The following ACBD6 variants were observed in gnomAD, a reference collection of about 807,000 sequenced individuals.
ACBD6 encodes the protein acyl-CoA binding domain containing 6.
Under a neutral mutation model 37.2 loss-of-function variants are expected in ACBD6, and 28 were observed. That is an observed-to-expected ratio of 0.75 (90% confidence interval 0.56 to 1.03). The LOEUF is 1.03. Ranked by LOEUF, ACBD6 falls within the 50% of genes least tolerant of loss-of-function variation. The probability of loss-of-function intolerance (pLI) is 0.00; values close to 1 mark genes in which losing one functional copy is unlikely to be tolerated. For missense variants in ACBD6, 340 were observed against 337.4 expected, an observed-to-expected ratio of 1.01 and a Z score of -0.06; for synonymous variants, 113 against 126.8, an observed-to-expected ratio of 0.89 and a Z score of 0.73.
chr1:180,492,210 T>C, intron 3 of ACBD6, 59 bp downstream of exon 3: 1 of 1,265,346 alleles, frequency 7.9e-7, no homozygotes, highest in South Asian at 1.2e-5. Context: ...TTTAGACATT[T>C]ATTTCAGAGA....
chr1:180,408,340 T>TA (rs975557998), intron 5 of ACBD6, among the ~76,000 whole-genome samples: 8 of 152,174 alleles, frequency 5.3e-5, no homozygotes, highest in African/African-American at 1.7e-4. Flanking sequence ...TATGCAGCCA[T>TA]AAAAAATGAT....
intron 7 of ACBD6, among the ~76,000 whole-genome samples, chr1:180,295,036 A>C (rs1649864771): frequency 6.6e-6 from 1 of 152,018 alleles, no homozygotes; most frequent in Non-Finnish European, 1.5e-5. Flanking sequence ...GTCTGGCTAG[A>C]GGACTATGTT....
At chr1:180,398,444 A>C (rs1021415342) in intron 5 of ACBD6, among the ~76,000 whole-genome samples, 2 of 152,214 alleles carry the variant, frequency 1.3e-5, no homozygotes, top group Admixed American at 6.5e-5. Flanking sequence ...TTTGAAAATA[A>C]GCATTTCTCC....
At chr1:180,411,319 A>C (rs931952573) in intron 5 of ACBD6, among the ~76,000 whole-genome samples, 7 of 152,234 alleles carry the variant, frequency 4.6e-5, no homozygotes, top group African/African-American at 1.7e-4. Flanking sequence ...GATTGACTAC[A>C]ATTTTGAAAG....
At chr1:180,282,625 G>A (rs1649346156) in intron 8 of ACBD6, among the ~76,000 whole-genome samples, 1 of 152,194 alleles carries the variant, frequency 6.6e-6, no homozygotes, top group South Asian at 2.1e-4. Context: ...CCAGCTGCCT[G>A]CAGATAGTGG....
intron 7 of ACBD6, among the ~76,000 whole-genome samples, chr1:180,311,588 G>A (rs1274792610): frequency 6.6e-6 from 1 of 152,072 alleles, no homozygotes; most frequent in Non-Finnish European, 1.5e-5. Context: ...TATTTGCCCA[G>A]GACAGCCTTA....
intron 7 of ACBD6, among the ~76,000 whole-genome samples, chr1:180,290,473 G>A (rs1649660264): frequency 1.3e-5 from 2 of 152,134 alleles, no homozygotes; most frequent in African/African-American, 2.4e-5. Context: ...CACTGCACCC[G>A]GCCCTATAGC....
chr1:180,421,618 C>A (rs762623739), intron 4 of ACBD6, among the ~76,000 whole-genome samples: 10 of 152,190 alleles, frequency 6.6e-5, no homozygotes, highest in Non-Finnish European at 1.5e-4. Flanking sequence ...CTCCCACCAA[C>A]AATGTATAAA....
intron 6 of ACBD6, among the ~76,000 whole-genome samples, chr1:180,370,732 T>C (rs1341635363): frequency 6.6e-6 from 1 of 152,146 alleles, no homozygotes; most frequent in Non-Finnish European, 1.5e-5. Flanking sequence ...TACTTAGTTA[T>C]ACATTTTCTA....
At chr1:180,286,334 G>A (rs528107061), downstream of ACBD6, among the ~76,000 whole-genome samples, 3 of 152,236 alleles carry the variant, frequency 2.0e-5, no homozygotes, top group South Asian at 2.1e-4. Flanking sequence ...TTTAGATGCG[G>A]CAAAACAGGT....
At chr1:180,311,537 A>C (rs953324401) in intron 7 of ACBD6, among the ~76,000 whole-genome samples, 1 of 152,106 alleles carries the variant, frequency 6.6e-6, no homozygotes, top group South Asian at 2.1e-4. Flanking sequence ...TCCTGGACTC[A>C]AGTGATTTTC....
At chr1:180,271,834 G>A (rs748268631) in exon 14 of ACBD6, 2 of 1,613,844 alleles carry the variant, frequency 1.2e-6, no homozygotes, top group Admixed American at 3.3e-5. Flanking sequence ...TTGTGTGGCA[G>A]GTTTGGTTTC....
chr1:180,314,823 T>C (rs1202935087), intron 6 of ACBD6, 101 bp from the exon 7 acceptor site: 2 of 884,292 alleles, frequency 2.3e-6, no homozygotes, highest in East Asian at 2.5e-5. Flanking sequence ...CAAAGTTCCA[T>C]AGGTTTATCA....
At chr1:180,313,819 T>C (rs1405445183) in intron 7 of ACBD6, among the ~76,000 whole-genome samples, 2 of 152,008 alleles carry the variant, frequency 1.3e-5, no homozygotes, top group African/African-American at 4.8e-5. Context: ...CGTGCACCAC[T>C]GCGCCCAACT....
At chr1:180,347,700 G>A (rs556237923) in intron 6 of ACBD6, among the ~76,000 whole-genome samples, 30 of 152,250 alleles carry the variant, frequency 2.0e-4, no homozygotes, top group Non-Finnish European at 3.2e-4. Context: ...GGCCGGGTGC[G>A]GTGGCTCACG....
At chr1:180,382,389 A>C (rs934623536) in intron 6 of ACBD6, among the ~76,000 whole-genome samples, 2 of 152,116 alleles carry the variant, frequency 1.3e-5, no homozygotes, top group African/African-American at 4.8e-5. Context: ...CTGATACCAT[A>C]GAAATACAAA....
intron 5 of ACBD6, among the ~76,000 whole-genome samples, chr1:180,402,869 A>C (rs1647437729): frequency 6.6e-6 from 1 of 152,142 alleles, no homozygotes. Flanking sequence ...GGGTGAAGGA[A>C]TATGAAAGGG....
At chr1:180,307,717 G>T (rs1650435464) in intron 7 of ACBD6, among the ~76,000 whole-genome samples, 1 of 152,186 alleles carries the variant, frequency 6.6e-6, no homozygotes, top group South Asian at 2.1e-4. Flanking sequence ...CACTTTGGGA[G>T]GCCAAGGCAA....
intron 3 of ACBD6, among the ~76,000 whole-genome samples, chr1:180,476,210 G>T (rs563810176): frequency 5.3e-5 from 8 of 152,244 alleles, no homozygotes; most frequent in African/African-American, 1.9e-4. Flanking sequence ...TTTAAAGATG[G>T]AATGTGAAGC....
Sources: allele counts gnomAD v4.1 joint callset (sites outside exome capture counted in the v4.1 genomes callset), GRCh38; gene constraint gnomAD v4.1.1; transcripts MANE v1.5; gene names NCBI Gene and HGNC (gene_info 2026-07-23, HGNC 2026-07-21).